The following PCDH19 variants were observed in gnomAD, a reference collection of about 807,000 sequenced individuals.
The protein encoded by PCDH19 is protocadherin-19.
In PCDH19, 6 loss-of-function variants were observed where a neutral mutation model predicts 46.2. That is an observed-to-expected ratio of 0.13 (90% CI 0.07 to 0.26). PCDH19 has a LOEUF of 0.26. Ranked by LOEUF, PCDH19 falls within the 10% of genes least tolerant of loss-of-function variation. PCDH19 has a pLI of 1.00. For missense variants in PCDH19, 740 were observed against 972.3 expected (o/e 0.76, Z 3.18); for synonymous variants, 481 against 415.7 (o/e 1.16, Z -1.91).
chrX:100,359,592 A>G (rs1926817629), intron 3 of PCDH19, among the ~76,000 whole-genome samples: 1 of 111,423 alleles, frequency 9.0e-6, no homozygotes, highest in Non-Finnish European at 1.9e-5. Context: ...CCCATATAAG[A>G]TCTCCCACAA....
intron 3 of PCDH19, among the ~76,000 whole-genome samples, chrX:100,377,717 G>A (rs191683650): frequency 1.8e-5 from 2 of 111,765 alleles, no homozygotes; most frequent in South Asian, 3.7e-4. Flanking sequence ...AAGAGAATTC[G>A]ATACTACGCA....
At position 100,402,681 on chromosome X, in the gene PCDH19, G is replaced by A. The variant is rs754091107; in HGVS notation, c.2459C>T (p.Thr820Met). The A allele has an allele frequency of 5.0e-6, 6 of 1,211,815 alleles. No homozygotes were observed. Among genetic ancestry groups the A allele is most frequent in the Admixed American group, 2.2e-5 (1 of 46,088 alleles). Residue 820 changes from threonine to methionine, a missense_variant, in exon 3 of 6, where the codon ACG (threonine) becomes ATG (methionine). By Grantham distance (81) the Thr-to-Met change is moderately conservative (BLOSUM62 -1). This residue lies in a region of PCDH19 where 416 missense variants were observed against 476.8 expected (regional missense o/e 0.87). Transcript: ENST00000373034. ...SLNYFDYHQQTLPLGCRRSES... is the reference protein window; with the variant it reads ...SLNYFDYHQQMLPLGCRRSES... ...AGAGCGGCGGCAGCCCAGGGGCAGC[G>A]TCTGCTGGTGGTAGTCAAAATAGTT...
intron 3 of PCDH19, among the ~76,000 whole-genome samples, chrX:100,360,291 C>T (rs1926843658): frequency 8.9e-6 from 1 of 112,221 alleles, no homozygotes; most frequent in African/African-American, 3.2e-5. Context: ...GCTTGTTGCT[C>T]AAGCCCGTAA....
chrX:100,322,458 T>A (rs1925523168), intron 5 of PCDH19, among the ~76,000 whole-genome samples: 1 of 111,518 alleles, frequency 9.0e-6, no homozygotes, highest in Admixed American at 9.5e-5. Context: ...ACCATGATGT[T>A]TTGGTGACTA....
intron 3 of PCDH19, among the ~76,000 whole-genome samples, chrX:100,355,561 GAA>G (rs918727388): frequency 2.7e-5 from 3 of 111,162 alleles, no homozygotes; most frequent in Non-Finnish European, 3.8e-5. Flanking sequence ...TTTGTGTCTA[GAA>G]AAAAAAGAGT....
chrX:100,364,775 C>A (rs1052225086), intron 3 of PCDH19, among the ~76,000 whole-genome samples: 1 of 112,050 alleles, frequency 8.9e-6, no homozygotes, highest in Non-Finnish European at 1.9e-5. Flanking sequence ...CTGATAGGAA[C>A]CTCTCACCTG....
chrX:100,312,126 G>C (rs1242217208), intron 5 of PCDH19, among the ~76,000 whole-genome samples: 1 of 109,111 alleles, frequency 9.2e-6, no homozygotes, highest in Non-Finnish European at 1.9e-5. Context: ...AGAGAGAAGA[G>C]AGAAGAGAGA....
At chrX:100,320,229 T>C (rs1414347224) in intron 5 of PCDH19, among the ~76,000 whole-genome samples, 1 of 111,546 alleles carries the variant, frequency 9.0e-6, no homozygotes, top group Non-Finnish European at 1.9e-5. Context: ...TCTTTCCATA[T>C]TAAATATACA....
intron 3 of PCDH19, among the ~76,000 whole-genome samples, chrX:100,379,644 G>A (rs1158983643): frequency 8.9e-6 from 1 of 112,254 alleles, no homozygotes; most frequent in Admixed American, 9.5e-5. Flanking sequence ...AAAAGAAACA[G>A]ATTGGAAGCA....
intron 3 of PCDH19, among the ~76,000 whole-genome samples, chrX:100,352,496 T>C (rs1489704726): frequency 8.9e-6 from 1 of 112,621 alleles, no homozygotes; most frequent in Non-Finnish European, 1.9e-5. Flanking sequence ...GGTTTGGACC[T>C]GTGTCCCCAC....
At chrX:100,397,904 T>TTA (rs1298078681) in intron 3 of PCDH19, among the ~76,000 whole-genome samples, 1 of 111,688 alleles carries the variant, frequency 9.0e-6, no homozygotes, top group Non-Finnish European at 1.9e-5. Flanking sequence ...TAGAAAGATC[T>TTA]TAGCAAACTG....
chrX:100,362,370 C>A (rs1211860545), intron 3 of PCDH19, among the ~76,000 whole-genome samples: 1 of 111,056 alleles, frequency 9.0e-6, no homozygotes, highest in Non-Finnish European at 1.9e-5. Context: ...GCAGTCATTT[C>A]TTAACTGTGT....
rs758713014 is a variant in PCDH19, at chrX:100,371,878, ACACACC to A, written c.2617-21180_2617-21175del. 7.7e-3 allele frequency among the ~76,000 whole-genome samples: 683 copies of A among 88,356 alleles called. 7 individuals are homozygous for A. Among genetic ancestry groups the A allele is most frequent in the African/African-American group, 0.026 (464 of 17,759 alleles). The allele number at this position is 88,356 out of a possible 115,157, so 76.7% of individuals were successfully genotyped here. ...CACACACACACACACACACACACAC[ACACACC>A]CACACAAAACTTAAAAATACTAAAT... is the stretch of plus-strand genomic sequence containing the variant. On this transcript the variant is annotated intron_variant, in intron 3 of 5. Coordinates refer to ENST00000373034, the MANE Select transcript of PCDH19 (RefSeq NM_001184880.2).
At chrX:100,399,998 T>C (rs773835773) in intron 3 of PCDH19, among the ~76,000 whole-genome samples, 2 of 111,781 alleles carry the variant, frequency 1.8e-5, no homozygotes, top group African/African-American at 6.5e-5. Flanking sequence ...TTTTCTGTCC[T>C]CTCCATCTAT....
chrX:100,383,475 T>C (rs1927619093), intron 3 of PCDH19, among the ~76,000 whole-genome samples: 1 of 111,901 alleles, frequency 8.9e-6, no homozygotes, highest in Non-Finnish European at 1.9e-5. Context: ...GATTAGAAAA[T>C]GTAATGGAAT....
intron 3 of PCDH19, among the ~76,000 whole-genome samples, chrX:100,401,650 C>T: frequency 1.6e-5 from 1 of 63,968 alleles, no homozygotes; most frequent in Non-Finnish European, 3.1e-5. Context: ...AACTCCATCT[C>T]AAAAAAAAAA....
Position 100,366,755 on chromosome X carries a change from G to A in PCDH19, c.2617-16051C>T, listed in dbSNP as rs775156297. 1.8e-3 allele frequency among the ~76,000 whole-genome samples: 199 copies of A among 112,423 alleles called. 1 individual carries two copies. The highest frequency in any genetic ancestry group is 6.2e-3 in the African/African-American group (191 of 30,983). ...CATTCTTATTTATTCATTAAAACAA[G>A]TCCAAGGACTTCTACTTGGCAAAAC... On this transcript the variant is annotated intron_variant, in intron 3 of 5. Coordinates refer to ENST00000373034, the MANE Select transcript of PCDH19 (RefSeq NM_001184880.2).
chrX:100,394,514 T>A (rs1364203983), intron 3 of PCDH19, among the ~76,000 whole-genome samples: 1 of 111,444 alleles, frequency 9.0e-6, no homozygotes, highest in Non-Finnish European at 1.9e-5. Flanking sequence ...GGGGAAGCCA[T>A]CTCTTCAGGA....
At chrX:100,365,538 C>T (rs773921225) in intron 3 of PCDH19, among the ~76,000 whole-genome samples, 1 of 111,832 alleles carries the variant, frequency 8.9e-6, no homozygotes, top group African/African-American at 3.3e-5. Context: ...CAAAGGTTCT[C>T]GAAATCATTA....
Sources: gnomAD v4.1 joint callset for allele counts (sites outside exome capture counted in the v4.1 genomes callset) on GRCh38, gnomAD v4.1.1 for gene constraint, gnomAD v4.1.1 regional missense constraint, MANE v1.5 for transcripts, NCBI Gene and HGNC (gene_info 2026-07-23, HGNC 2026-07-21) for gene names.